The following CCSER1 variants were observed in gnomAD, a reference collection of about 807,000 sequenced individuals.
CCSER1 encodes serine-rich coiled-coil domain-containing protein 1.
CCSER1 carries 41 observed loss-of-function variants against 82.0 expected under a neutral mutation model. That is an observed-to-expected ratio of 0.50 (90% CI 0.39 to 0.65). CCSER1 has a LOEUF of 0.65. Among genes scored for constraint, CCSER1 ranks in the 30% least tolerant of loss-of-function variants. The pLI, the probability that CCSER1 is intolerant of heterozygous loss-of-function variation, is 0.00. For missense variants in CCSER1, 1,119 were observed against 1,064.2 expected, an observed-to-expected ratio of 1.05 and a Z score of -0.72; for synonymous variants, 414 against 383.9, an observed-to-expected ratio of 1.08 and a Z score of -0.92.
chr4:90,693,123 C>T (rs1418815685), intron 6 of CCSER1, among the ~76,000 whole-genome samples: 1 of 151,914 alleles, frequency 6.6e-6, no homozygotes, highest in Non-Finnish European at 1.5e-5. Flanking sequence ...TTCAGAGTGG[C>T]TGAGTCTTCA....
chr4:90,144,685 A>G (rs1372030722), intron 1 of CCSER1, among the ~76,000 whole-genome samples: 3 of 152,206 alleles, frequency 2.0e-5, no homozygotes, highest in African/African-American at 4.8e-5. Context: ...AGAATACAGT[A>G]TAATAATCAA....
intron 5 of CCSER1, among the ~76,000 whole-genome samples, chr4:90,582,137 C>T (rs967158679): frequency 1.3e-5 from 2 of 151,942 alleles, no homozygotes; most frequent in African/African-American, 4.8e-5. Context: ...TCTCCCACCC[C>T]CAAGAGCAAA....
At chr4:90,483,614 T>C (rs1766464243) in intron 5 of CCSER1, among the ~76,000 whole-genome samples, 1 of 152,204 alleles carries the variant, frequency 6.6e-6, no homozygotes, top group African/African-American at 2.4e-5. Context: ...AAGTATTTTA[T>C]TTCTCCTTCA....
At chr4:91,364,323 T>C (rs1749460587) in intron 10 of CCSER1, among the ~76,000 whole-genome samples, 1 of 152,078 alleles carries the variant, frequency 6.6e-6, no homozygotes, top group South Asian at 2.1e-4. Context: ...CTAATTTTCA[T>C]GATGGGAAAT....
At chr4:90,403,478 G>A (rs1369468490) in intron 4 of CCSER1, among the ~76,000 whole-genome samples, 4 of 116,088 alleles carry the variant, frequency 3.4e-5, no homozygotes, top group African/African-American at 1.0e-4. Flanking sequence ...CAGCCTGGGC[G>A]ACAGAGCGAG....
At position 90,303,292 on chromosome 4, in the gene CCSER1, A is replaced by G. The variant is rs144168579; in HGVS notation, c.-41-4952A>G. Among the ~76,000 whole-genome samples, 464 of 152,326 alleles carry G rather than the reference A, an allele frequency of 3.0e-3. 2 individuals carry two copies. The highest frequency in any genetic ancestry group is 0.01 in the Middle Eastern group (3 of 294). ...CAATGACTTTCTTTACAGAATTGGA[A>G]AAAACTACTTTAAAGTTCATATGGA... On this transcript the variant is annotated intron_variant, in intron 1 of 10. Coordinates refer to ENST00000509176, the MANE Select transcript of CCSER1 (RefSeq NM_001145065.2).
At chr4:91,418,312 A>AC (rs1753494469) in intron 10 of CCSER1, among the ~76,000 whole-genome samples, 1 of 150,858 alleles carries the variant, frequency 6.6e-6, no homozygotes, top group Non-Finnish European at 1.5e-5. Context: ...TTAAAAAAAA[A>AC]AAAAACAAAA....
chr4:91,317,605 T>TGTGTGTGTGTGTGTGC (rs1745923874), intron 10 of CCSER1, among the ~76,000 whole-genome samples: 2 of 149,688 alleles, frequency 1.3e-5, no homozygotes, highest in South Asian at 4.2e-4. Context: ...TGTGTGTGCG[T>TGTGTGTGTGTGTGTGC]GTGTGTGTGT....
At chr4:90,554,395 G>A (rs1396483406) in intron 5 of CCSER1, among the ~76,000 whole-genome samples, 1 of 151,990 alleles carries the variant, frequency 6.6e-6, no homozygotes, top group Non-Finnish European at 1.5e-5. Flanking sequence ...AAGAAGAAAT[G>A]TTCAAATAAA....
At chr4:90,863,583 C>T (rs932451824) in intron 8 of CCSER1, among the ~76,000 whole-genome samples, 1 of 151,504 alleles carries the variant, frequency 6.6e-6, no homozygotes, top group African/African-American at 2.4e-5. Context: ...CTTTATTTAG[C>T]TATCTTTAAC....
chr4:91,397,537 T>C (rs1375548480), intron 10 of CCSER1, among the ~76,000 whole-genome samples: 1 of 152,056 alleles, frequency 6.6e-6, no homozygotes, highest in Non-Finnish European at 1.5e-5. Flanking sequence ...ATTAATTATA[T>C]ACTTATTTGT....
At chr4:90,213,465 G>GA (rs1427488922) in intron 1 of CCSER1, among the ~76,000 whole-genome samples, 1 of 152,126 alleles carries the variant, frequency 6.6e-6, no homozygotes, top group Non-Finnish European at 1.5e-5. Flanking sequence ...CTGGGCTGGG[G>GA]ATAGAGATTT....
At chr4:90,637,398 T>C (rs1354540024) in intron 6 of CCSER1, among the ~76,000 whole-genome samples, 1 of 152,138 alleles carries the variant, frequency 6.6e-6, no homozygotes, top group East Asian at 1.9e-4. Flanking sequence ...TAATATACCA[T>C]CACTTTTGTC....
At position 91,513,075 on chromosome 4, in the gene CCSER1, CAT is replaced by C. The variant is rs556990638; in HGVS notation, c.2218-85496_2218-85495del. Among the ~76,000 whole-genome samples the C allele has an allele frequency of 1.3e-4, 20 of 152,126 alleles. No homozygotes were observed. In the South Asian group the frequency reaches 4.1e-3, roughly 32 times the overall value. On this transcript the variant is annotated intron_variant, in intron 10 of 10. Transcript: ENST00000509176. ...AAGGGAAATGCTACCAGCTTATGCC[CAT>C]TAAATATACTGGCTGTGCATTTGTC...
chr4:91,431,468 T>A (rs980947630), intron 10 of CCSER1, among the ~76,000 whole-genome samples: 3 of 152,116 alleles, frequency 2.0e-5, no homozygotes, highest in Non-Finnish European at 4.4e-5. Context: ...TTTCTTCCCT[T>A]TTTTTTCGGG....
chr4:91,122,764 A>G (rs1311839786), intron 10 of CCSER1, among the ~76,000 whole-genome samples: 1 of 151,800 alleles, frequency 6.6e-6, no homozygotes, highest in East Asian at 1.9e-4. Context: ...ATGTTAGGAA[A>G]ATGAGCCTAT....
chr4:91,428,863 T>C (rs1282778448), intron 10 of CCSER1, among the ~76,000 whole-genome samples: 1 of 152,040 alleles, frequency 6.6e-6, no homozygotes, highest in Non-Finnish European at 1.5e-5. Flanking sequence ...CTGTCTATTA[T>C]TTTTCAAAAT....
At chr4:90,904,765 A>T (rs1356757424) in intron 8 of CCSER1, among the ~76,000 whole-genome samples, 1 of 152,090 alleles carries the variant, frequency 6.6e-6, no homozygotes, top group African/African-American at 2.4e-5. Context: ...TACTAGCAGT[A>T]TTTATAGCTT....
chr4:91,485,816 C>A (rs78948758), intron 10 of CCSER1, among the ~76,000 whole-genome samples: 2 of 151,864 alleles, frequency 1.3e-5, no homozygotes, highest in African/African-American at 4.8e-5. Context: ...AGCAAAAAAT[C>A]GAAACAACAA....
Sources: gnomAD v4.1 joint callset for allele counts (sites outside exome capture counted in the v4.1 genomes callset) on GRCh38, gnomAD v4.1.1 for gene constraint, MANE v1.5 for transcripts, NCBI Gene and HGNC (gene_info 2026-07-23, HGNC 2026-07-21) for gene names.